Variants in ADK observed in about 807,000 individuals in gnomAD.
ADK encodes N6,N6-dimethyladenosine kinase.
ADK carries 24 observed loss-of-function variants against 44.7 expected under a neutral mutation model. That is an observed-to-expected ratio of 0.54 (90% CI 0.39 to 0.76). The LOEUF (loss-of-function observed/expected upper bound fraction) is 0.76. Among genes scored for constraint, ADK ranks in the 30% least tolerant of loss-of-function variants. The pLI is 0.00. For synonymous variants in ADK, 128 were observed against 142.6 expected (o/e 0.90, Z 0.73); for missense variants, 321 against 425.1 (o/e 0.76, Z 2.15).
At chr10:74,253,779 T>C (rs1845731512) in intron 3 of ADK, among the ~76,000 whole-genome samples, 1 of 150,690 alleles carries the variant, frequency 6.6e-6, no homozygotes, top group Non-Finnish European at 1.5e-5. Flanking sequence ...TTTTTTTTTT[T>C]TTTTTTAAGA....
chr10:74,221,278 A>G (rs2132231641), intron 2 of ADK, among the ~76,000 whole-genome samples: 1 of 151,376 alleles, frequency 6.6e-6, no homozygotes, highest in Admixed American at 6.6e-5. Flanking sequence ...CAATTGCTTC[A>G]AAGAGAATAA....
chr10:74,493,836 T>G (rs1447627331), intron 6 of ADK, among the ~76,000 whole-genome samples: 2 of 152,202 alleles, frequency 1.3e-5, no homozygotes, highest in Non-Finnish European at 2.9e-5. Flanking sequence ...TTACCTCATC[T>G]TTGGTAAGGT....
At chr10:74,163,564 C>T (rs1165439220) in intron 1 of ADK, among the ~76,000 whole-genome samples, 2 of 152,106 alleles carry the variant, frequency 1.3e-5, no homozygotes, top group Non-Finnish European at 1.5e-5. Context: ...ATCCATAGTA[C>T]CACAAAATTT....
At chr10:74,667,198 A>G (rs1481182275) in intron 9 of ADK, among the ~76,000 whole-genome samples, 1 of 152,178 alleles carries the variant, frequency 6.6e-6, no homozygotes, top group Non-Finnish European at 1.5e-5. Flanking sequence ...CTGAAAATGT[A>G]ATAAAACATA....
intron 6 of ADK, among the ~76,000 whole-genome samples, chr10:74,465,155 A>C (rs1185098363): frequency 6.6e-6 from 1 of 152,214 alleles, no homozygotes; most frequent in Non-Finnish European, 1.5e-5. Context: ...CATTAGGGAA[A>C]GTCTCACCCA....
intron 7 of ADK, among the ~76,000 whole-genome samples, chr10:74,531,406 A>G (rs116695545): frequency 0.016 from 2,448 of 152,302 alleles, 64 homozygotes; most frequent in African/African-American, 0.056. Context: ...ACAAAGTACT[A>G]AATCATACTC....
At chr10:74,448,884 A>T (rs914996673) in intron 6 of ADK, among the ~76,000 whole-genome samples, 4 of 145,348 alleles carry the variant, frequency 2.8e-5, no homozygotes, top group African/African-American at 1.1e-4. Context: ...GCCTTTTTTA[A>T]AAAAAAAAAT....
intron 6 of ADK, among the ~76,000 whole-genome samples, chr10:74,491,137 C>T (rs1589165055): frequency 6.6e-6 from 1 of 151,938 alleles, no homozygotes; most frequent in East Asian, 1.9e-4. Context: ...AATGGACACA[C>T]AAAAAAACAC....
chr10:74,356,279 A>G (rs568004382), intron 4 of ADK, among the ~76,000 whole-genome samples: 1 of 151,694 alleles, frequency 6.6e-6, no homozygotes, highest in South Asian at 2.1e-4. Context: ...CGGCCTCCCA[A>G]AGTGCTGGGA....
intron 1 of ADK, among the ~76,000 whole-genome samples, chr10:74,178,069 G>A (rs1057274878): frequency 6.6e-6 from 1 of 151,698 alleles, no homozygotes; most frequent in Non-Finnish European, 1.5e-5. Context: ...AGCCATCCAA[G>A]TAGCTGGAAT....
intron 8 of ADK, among the ~76,000 whole-genome samples, chr10:74,591,175 A>G (rs2133928076): frequency 6.6e-6 from 1 of 152,246 alleles, no homozygotes; most frequent in East Asian, 1.9e-4. Flanking sequence ...TCATAGCAAC[A>G]AACTACTTTT....
At chr10:74,332,677 G>A (rs564867122) in intron 4 of ADK, among the ~76,000 whole-genome samples, 2 of 152,040 alleles carry the variant, frequency 1.3e-5, no homozygotes, top group Non-Finnish European at 2.9e-5. Context: ...TGTTCATAAT[G>A]AACAAAATAT....
chr10:74,654,332 C>T (rs186995285), intron 9 of ADK, among the ~76,000 whole-genome samples: 88 of 152,324 alleles, frequency 5.8e-4, no homozygotes, highest in African/African-American at 1.9e-3. Context: ...ATAACTATGA[C>T]GCCTTGGTCC....
At chr10:74,322,370 A>G (rs963967981) in intron 4 of ADK, among the ~76,000 whole-genome samples, 1 of 152,224 alleles carries the variant, frequency 6.6e-6, no homozygotes, top group Non-Finnish European at 1.5e-5. Flanking sequence ...TCTTTGTGTC[A>G]TTGAAGAAAG....
At chr10:74,674,006 TG>T (rs1855290345) in intron 10 of ADK, among the ~76,000 whole-genome samples, 1 of 152,100 alleles carries the variant, frequency 6.6e-6, no homozygotes, top group African/African-American at 2.4e-5. Flanking sequence ...TGGCTGAGCC[TG>T]GGGTTTTTAT....
At position 74,200,795 on chromosome 10, in the gene ADK, C is replaced by G; in HGVS notation, c.97C>G (p.Leu33Val). The change falls in exon 2 of 11, where the codon CTG becomes GTG. Residue 33 changes from leucine (L) to valine (V), a missense_variant. Physicochemically the swap from Leu to Val is conservative, Grantham distance 32. Coordinates refer to ENST00000539909, the MANE Select transcript of ADK (RefSeq NM_006721.4). ...ENILFGMGNPLLDISAVVDKD... is the reference protein window; with the variant it reads ...ENILFGMGNPVLDISAVVDKD... ...TATTCTCTTTGGAATGGGAAATCCT[C>G]TGCTTGACATCTCTGCTGTAGTGGA... The G allele has an allele frequency of 6.2e-7, 1 of 1,611,770 alleles. No individual in the cohort carries two copies. Among genetic ancestry groups the G allele is most frequent in the Non-Finnish European group, 8.5e-7 (1 of 1,178,430 alleles).
intron 9 of ADK, 78 bp downstream of exon 9, chr10:74,600,571 A>G: frequency 4.2e-6 from 3 of 721,706 alleles, no homozygotes; most frequent in South Asian, 3.2e-5. Flanking sequence ...TATTCTTTCT[A>G]TTATAATATA....
At chr10:74,183,993 C>T (rs571191704) in intron 1 of ADK, among the ~76,000 whole-genome samples, 12 of 151,826 alleles carry the variant, frequency 7.9e-5, no homozygotes, top group Middle Eastern at 3.4e-3. Flanking sequence ...CTCAGCTCAC[C>T]GCAACCTCCG....
At chr10:74,397,521 A>AGCAGGATTTTATTTATTTATTTATTTAT in intron 5 of ADK, among the ~76,000 whole-genome samples, 1 of 152,100 alleles carries the variant, frequency 6.6e-6, no homozygotes, top group Non-Finnish European at 1.5e-5. Context: ...TGACACTTGT[A>AGCAGGATTTTATTTATTTATTTATTTAT]GCAGGATTTT....
Sources: allele counts gnomAD v4.1 joint callset (sites outside exome capture counted in the v4.1 genomes callset), GRCh38; gene constraint gnomAD v4.1.1; transcripts MANE v1.5; gene names NCBI Gene and HGNC (gene_info 2026-07-23, HGNC 2026-07-21).